Variants in RMND5A observed in about 807,000 individuals in gnomAD.
The protein encoded by RMND5A is required for meiotic nuclear division 5 homolog A, also known as E3 ubiquitin-protein transferase RMND5A.
RMND5A carries 17 observed loss-of-function variants against 49.7 expected under a neutral mutation model. That is an observed-to-expected ratio of 0.34 (90% CI 0.23 to 0.51). RMND5A has a LOEUF of 0.51. Ranked by LOEUF, RMND5A falls within the 20% of genes least tolerant of loss-of-function variation. RMND5A has a pLI of 0.96. For synonymous variants in RMND5A, 156 were observed against 167.7 expected, an observed-to-expected ratio of 0.93 and a Z score of 0.54; for missense variants, 255 against 471.3, an observed-to-expected ratio of 0.54 and a Z score of 4.25.
chr2:86,743,069 T>A (rs1415253824), intron 2 of RMND5A, among the ~76,000 whole-genome samples: 3 of 152,202 alleles, frequency 2.0e-5, no homozygotes, highest in Non-Finnish European at 2.9e-5. Flanking sequence ...GATCAGAATC[T>A]TCTTCTGCTC....
At chr2:86,768,904 A>T (rs1020944439) in intron 6 of RMND5A, among the ~76,000 whole-genome samples, 5 of 152,242 alleles carry the variant, frequency 3.3e-5, no homozygotes, top group East Asian at 1.9e-4. Flanking sequence ...TTTGTGCAAT[A>T]TAAAACCTTT....
chr2:86,754,138 G>A (rs1681689272), intron 4 of RMND5A, among the ~76,000 whole-genome samples: 1 of 152,170 alleles, frequency 6.6e-6, no homozygotes, highest in African/African-American at 2.4e-5. Context: ...GGACCAAGTA[G>A]GAAATATTTT....
intron 2 of RMND5A, among the ~76,000 whole-genome samples, chr2:86,747,334 C>T (rs746619581): frequency 3.3e-5 from 5 of 152,070 alleles, no homozygotes; most frequent in Non-Finnish European, 5.9e-5. Flanking sequence ...ATGTTCTGTC[C>T]ATTTTTTCTG....
chr2:86,755,414 G>A lies in RMND5A; in HGVS notation c.521+1856G>A, dbSNP rs767457817. 2.0e-4 allele frequency among the ~76,000 whole-genome samples: 31 copies of A among 152,324 alleles called. 1 individual carries two copies. The South Asian group carries it at 3.5e-3, about 17-fold the overall frequency. On this transcript the variant is annotated intron_variant, in intron 4 of 8. Transcript: ENST00000283632. Reference sequence around the variant, plus strand: ...TGGGATTATAGGCATGGGCCAATGTGCCCGAGAAAGCCTACATACATATAT... The same window carrying A: ...TGGGATTATAGGCATGGGCCAATGTACCCGAGAAAGCCTACATACATATAT...
At chr2:86,751,868 T>G (rs1681639537) in intron 2 of RMND5A, 28 bp from the exon 3 acceptor site, 1 of 1,604,104 alleles carries the variant, frequency 6.2e-7, no homozygotes, top group African/African-American at 1.3e-5. Flanking sequence ...AATCTATTTA[T>G]GATTCCCTTT....
intron 2 of RMND5A, among the ~76,000 whole-genome samples, chr2:86,743,145 A>G (rs146143075): frequency 7.9e-5 from 12 of 152,214 alleles, no homozygotes; most frequent in Non-Finnish European, 1.5e-4. Context: ...GTCTTTATAG[A>G]TATTCATAAG....
At chr2:86,772,557 A>G (rs149200180) in intron 8 of RMND5A, among the ~76,000 whole-genome samples, 2 of 152,276 alleles carry the variant, frequency 1.3e-5, no homozygotes, top group East Asian at 3.9e-4. Flanking sequence ...GCTGGTTCAA[A>G]GGATATATGC....
chr2:86,751,197 A>G (rs559184324), intron 2 of RMND5A, among the ~76,000 whole-genome samples: 2 of 152,206 alleles, frequency 1.3e-5, no homozygotes, highest in Non-Finnish European at 2.9e-5. Context: ...TTCAGGCCAC[A>G]AGTTCTAACC....
chr2:86,747,857 G>T (rs1199492852), intron 2 of RMND5A, among the ~76,000 whole-genome samples: 1 of 152,110 alleles, frequency 6.6e-6, no homozygotes, highest in Non-Finnish European at 1.5e-5. Flanking sequence ...TTGTATCAAA[G>T]TTATTTACTC....
At position 86,745,959 on chromosome 2, in the gene RMND5A, T is replaced by C. The variant is rs144636928; in HGVS notation, c.285+4890T>C. 7.7e-3 allele frequency among the ~76,000 whole-genome samples: 1,170 copies of C among 152,290 alleles called. 21 individuals are homozygous for C. The highest frequency in any genetic ancestry group is 0.026 in the African/African-American group (1,094 of 41,568). On this transcript the variant is annotated intron_variant, in intron 2 of 8. Coordinates refer to ENST00000283632, the MANE Select transcript of RMND5A (RefSeq NM_022780.4). ...TGGTAATGTTGAAGGGGAACAATAA[T>C]AGTTAAAAAAAATTTTAAACCTCAT...
At chr2:86,755,670 CT>C (rs1681721604) in intron 4 of RMND5A, among the ~76,000 whole-genome samples, 1 of 152,118 alleles carries the variant, frequency 6.6e-6, no homozygotes, top group African/African-American at 2.4e-5. Flanking sequence ...GCCTTTTAAA[CT>C]TTGTGCGTAT....
At position 86,755,430 on chromosome 2, in the gene RMND5A, A is replaced by G. The variant is rs537115653; in HGVS notation, c.521+1872A>G. Among the ~76,000 whole-genome samples the G allele has an allele frequency of 8.5e-5, 13 of 152,360 alleles. No individual in the cohort carries two copies. The South Asian group carries it at 2.7e-3, about 32-fold the overall frequency. On this transcript the variant is annotated intron_variant, in intron 4 of 8. Coordinates refer to ENST00000283632, the MANE Select transcript of RMND5A (RefSeq NM_022780.4). ...GGCCAATGTGCCCGAGAAAGCCTACATACATATATGAACATGTAATGGGTT... is the reference window on the plus strand; with the variant it reads ...GGCCAATGTGCCCGAGAAAGCCTACGTACATATATGAACATGTAATGGGTT...
In RMND5A at chr2:86,752,058, G is replaced by A. The variant is rs1267957122; in HGVS notation, c.420+28G>A. ...AACAGTGTGCCAACTGGGAGGATATGAAAAAGAAACAAGGGAACTCCTTGG... is the reference window on the plus strand; with the variant it reads ...AACAGTGTGCCAACTGGGAGGATATAAAAAAGAAACAAGGGAACTCCTTGG... On this transcript the variant is annotated intron_variant, in intron 3 of 8. Coordinates refer to ENST00000283632, the MANE Select transcript of RMND5A (RefSeq NM_022780.4). The A allele has an allele frequency of 1.4e-5, 23 of 1,608,774 alleles. No homozygotes were observed. The Admixed American group carries it at 3.4e-4, about 24-fold the overall frequency.
chr2:86,741,850 T>A (rs565261351), intron 2 of RMND5A, among the ~76,000 whole-genome samples: 2 of 144,824 alleles, frequency 1.4e-5, no homozygotes, highest in South Asian at 2.2e-4. Flanking sequence ...GGAAGAACTT[T>A]CGAGGAGTGC....
At chr2:86,762,293 A>C (rs1248117425) in intron 4 of RMND5A, among the ~76,000 whole-genome samples, 1 of 152,196 alleles carries the variant, frequency 6.6e-6, no homozygotes, top group Admixed American at 6.5e-5. Flanking sequence ...ATAATGCTTG[A>C]AATCCCAGAG....
intron 1 of RMND5A, among the ~76,000 whole-genome samples, chr2:86,736,430 C>T (rs1325159046): frequency 2.0e-5 from 2 of 98,800 alleles, no homozygotes; most frequent in African/African-American, 3.2e-5. Context: ...GCAATCCACC[C>T]ACCTCGGGCT....
intron 2 of RMND5A, among the ~76,000 whole-genome samples, chr2:86,751,596 T>G (rs1681633774): frequency 6.6e-6 from 1 of 152,240 alleles, no homozygotes; most frequent in African/African-American, 2.4e-5. Flanking sequence ...ATTGCATTCC[T>G]CTAAAAATAT....
intron 2 of RMND5A, among the ~76,000 whole-genome samples, chr2:86,747,636 A>G (rs1241102814): frequency 1.3e-5 from 2 of 152,210 alleles, no homozygotes; most frequent in African/African-American, 2.4e-5. Context: ...AATACATGTT[A>G]ATACTATTAG....
intron 2 of RMND5A, among the ~76,000 whole-genome samples, chr2:86,748,019 A>T (rs1440613851): frequency 1.3e-5 from 2 of 152,212 alleles, no homozygotes; most frequent in Non-Finnish European, 2.9e-5. Flanking sequence ...CAGGATGCCA[A>T]AGCTTTTCTT....
Sources: allele counts gnomAD v4.1 joint callset (sites outside exome capture counted in the v4.1 genomes callset), GRCh38; gene constraint gnomAD v4.1.1; transcripts MANE v1.5; gene names NCBI Gene and HGNC (gene_info 2026-07-23, HGNC 2026-07-21).